Variants in BRPF3 observed in about 807,000 individuals in gnomAD.
The protein encoded by BRPF3 is bromodomain and PHD finger-containing protein 3.
BRPF3 carries 18 observed loss-of-function variants against 102.0 expected under a neutral mutation model. The observed-to-expected ratio is 0.18, with a 90% CI of 0.12 to 0.26. The LOEUF is 0.26. Ranked by LOEUF, BRPF3 falls within the 10% of genes least tolerant of loss-of-function variation. BRPF3 has a pLI of 1.00. For missense variants in BRPF3, 1,147 were observed against 1,567.8 expected (o/e 0.73, Z 4.53); for synonymous variants, 570 against 614.2 (o/e 0.93, Z 1.06).
In BRPF3 at chr6:36,231,231, A is replaced by T. The variant is rs1273075433; in HGVS notation, c.*622A>T. 1 of 152,726 alleles carries T rather than the reference A, an allele frequency of 6.5e-6. No homozygotes were observed. Among genetic ancestry groups the T allele is most frequent in the Non-Finnish European group, 1.5e-5 (1 of 68,216 alleles). 9.5% of individuals were successfully genotyped at this position (152,726 alleles called of 1,614,324 possible). A position where few individuals can be genotyped will look rare whatever the true frequency, so the allele number is the denominator to read the frequency against. On this transcript the variant is annotated 3_prime_UTR_variant, in exon 13 of 13. Transcript: ENST00000357641. Reference sequence around the variant, plus strand: ...TTTCTTTAATGTCTCATTCCCCTTGAGGCCAGCTGCTATGCCAGGTGGTGT... The same window carrying T: ...TTTCTTTAATGTCTCATTCCCCTTGTGGCCAGCTGCTATGCCAGGTGGTGT...
intron 10 of BRPF3, among the ~76,000 whole-genome samples, chr6:36,224,284 C>CT (rs1768654721): frequency 6.6e-6 from 1 of 152,128 alleles, no homozygotes; most frequent in African/African-American, 2.4e-5. Flanking sequence ...TAGATTTGGA[C>CT]TTTTTTCCTT....
chr6:36,222,656 C>T (rs1768591320), intron 10 of BRPF3, among the ~76,000 whole-genome samples: 1 of 152,154 alleles, frequency 6.6e-6, no homozygotes, highest in South Asian at 2.1e-4. Flanking sequence ...GCCTAATATG[C>T]ACATGTTCCT....
intron 8 of BRPF3, among the ~76,000 whole-genome samples, chr6:36,215,046 G>C (rs558376710): frequency 6.6e-6 from 1 of 152,274 alleles, no homozygotes; most frequent in South Asian, 2.1e-4. Context: ...CTGCAGCAGA[G>C]GGGGTGGGGT....
Position 36,200,309 on chromosome 6 carries a change from A to G in BRPF3, c.-14A>G. The G allele has an allele frequency of 2.5e-6, 4 of 1,608,922 alleles. No individual in the cohort carries two copies. The highest frequency in any genetic ancestry group is 3.4e-6 in the Non-Finnish European group (4 of 1,177,272). The stretch of plus-strand genomic sequence containing the variant: ...CTTCTCTCCTTAGGCCTGTCCCCTC[A>G]GTTCCCAGGTGCCATGAGGAAGCCT... On this transcript the variant is annotated 5_prime_UTR_variant, in exon 2 of 13. Coordinates refer to ENST00000357641, the MANE Select transcript of BRPF3 (RefSeq NM_015695.3). The surrounding 1 kb of genome is among the most constrained non-coding windows in gnomAD (Gnocchi z 5.3).
rs745520636 is a variant in BRPF3 at position 36,225,283 on chromosome 6, G to C, written c.3198G>C (p.Leu1066=). 2 of 1,608,948 alleles carry C rather than the reference G, an allele frequency of 1.2e-6. No individual in the cohort carries two copies. The highest frequency in any genetic ancestry group is 1.7e-6 in the Non-Finnish European group (2 of 1,179,974). ...CACCCCCAGGCAGAAGCCTCCTGCTGCCCTTTGAAGACCGCGGAGACCTGG... is the reference window on the plus strand; with the variant it reads ...CACCCCCAGGCAGAAGCCTCCTGCTCCCCTTTGAAGACCGCGGAGACCTGG... ...DYNGSGRSLL[L]PFEDRGDLEP... is the part of the protein sequence containing the mutation. The change falls in exon 11 of 13, where the codon CTG becomes CTC. Residue 1066 remains leucine (L), a synonymous_variant. Transcript: ENST00000357641.
At chr6:36,218,343 T>C (rs1405937123) in intron 9 of BRPF3, among the ~76,000 whole-genome samples, 1 of 152,204 alleles carries the variant, frequency 6.6e-6, no homozygotes, top group Admixed American at 6.5e-5. Flanking sequence ...CTACACACAT[T>C]TAGACAACCC....
At position 36,221,425 on chromosome 6, in the gene BRPF3, T is replaced by A. The variant is rs559580623; in HGVS notation, c.3084-743T>A. On this transcript the variant is annotated intron_variant, in intron 9 of 12. Coordinates refer to ENST00000357641, the MANE Select transcript of BRPF3 (RefSeq NM_015695.3). ...CCTCAGCCTCCTGAGTAGCTGGGAG[T>A]ACAGACACGTGCCACCACGGCCAGC... Among the ~76,000 whole-genome samples, 90 of 151,486 alleles carry A rather than the reference T, an allele frequency of 5.9e-4. 1 individual carries two copies. Among genetic ancestry groups the A allele is most frequent in the Middle Eastern group, 3.5e-3 (1 of 286 alleles).
At chr6:36,202,410 AC>A (rs773009912) in intron 2 of BRPF3, among the ~76,000 whole-genome samples, 2,314 of 102,084 alleles carry the variant, frequency 0.023, 41 homozygotes, top group African/African-American at 0.044. Flanking sequence ...AGCTCTGTGG[AC>A]CCCCCCCCCC....
chr6:36,225,206 C>T, intron 10 of BRPF3, 61 bp from the exon 11 acceptor site: 1 of 1,441,460 alleles, frequency 6.9e-7, no homozygotes, highest in South Asian at 1.2e-5. Flanking sequence ...CACAGGCAGG[C>T]CTTTTGGGCA....
At chr6:36,203,960 G>T (rs1439949614) in intron 2 of BRPF3, among the ~76,000 whole-genome samples, 1 of 152,148 alleles carries the variant, frequency 6.6e-6, no homozygotes, top group East Asian at 1.9e-4. Flanking sequence ...AGATATTATA[G>T]GCTTGCATTA....
chr6:36,207,465 CT>C (rs2127281171), intron 4 of BRPF3, 21 bp downstream of exon 4: 1 of 1,612,662 alleles, frequency 6.2e-7, no homozygotes, highest in Non-Finnish European at 8.5e-7. Flanking sequence ...GCCCCCAGCC[CT>C]AGGGCCCTAG....
At chr6:36,211,204 GC>G in intron 6 of BRPF3, 53 bp from the exon 7 acceptor site, 1 of 1,556,556 alleles carries the variant, frequency 6.4e-7, no homozygotes. Flanking sequence ...CCTTTCTCTT[GC>G]CCTGTGCTGG....
chr6:36,215,739 A>G (rs1055990314), intron 8 of BRPF3, among the ~76,000 whole-genome samples: 3 of 152,172 alleles, frequency 2.0e-5, no homozygotes, highest in African/African-American at 7.2e-5. Flanking sequence ...TGTGAGGGAC[A>G]GCTTAGAGAG....
chr6:36,205,932 C>T (rs184561595), intron 3 of BRPF3, among the ~76,000 whole-genome samples: 28 of 152,264 alleles, frequency 1.8e-4, no homozygotes, highest in African/African-American at 6.3e-4. Context: ...TTTTTCCTCT[C>T]AGTAAACTTA....
chr6:36,210,199 A>C lies in BRPF3; in HGVS notation c.1867-17A>C, dbSNP rs1197509685. On this transcript the variant is annotated splice_polypyrimidine_tract_variant and intron_variant, in intron 5 of 12. Transcript: ENST00000357641. The surrounding 1 kb of genome is among the most constrained non-coding windows in gnomAD (Gnocchi z 4.7). Reference sequence around the variant, plus strand: ...TAGTAAATGGTTGTTGTAATTGTACAGGTTTTATATGTTTAGGTTCCAGAT... The same window carrying C: ...TAGTAAATGGTTGTTGTAATTGTACCGGTTTTATATGTTTAGGTTCCAGAT... 1 of 1,613,580 alleles carries C rather than the reference A, an allele frequency of 6.2e-7. No homozygotes were observed. Among genetic ancestry groups the C allele is most frequent in the Non-Finnish European group, 8.5e-7 (1 of 1,179,476 alleles).
chr6:36,223,738 C>T (rs866361399), intron 10 of BRPF3, among the ~76,000 whole-genome samples: 4 of 152,014 alleles, frequency 2.6e-5, no homozygotes, highest in Admixed American at 2.6e-4. Flanking sequence ...GGGTTGTTTC[C>T]GGCTTTTAGC....
At chr6:36,222,674 A>G (rs534180529) in intron 10 of BRPF3, among the ~76,000 whole-genome samples, 8 of 152,294 alleles carry the variant, frequency 5.3e-5, no homozygotes, top group African/African-American at 1.9e-4. Context: ...CCTCTAAACC[A>G]TTCCTTTTTT....
chr6:36,206,415 C>T (rs979378181), intron 3 of BRPF3, among the ~76,000 whole-genome samples: 4 of 152,186 alleles, frequency 2.6e-5, no homozygotes, highest in African/African-American at 9.7e-5. Flanking sequence ...CTTCCATTCT[C>T]TTACTTCCTC....
intron 2 of BRPF3, among the ~76,000 whole-genome samples, chr6:36,202,420 C>CA (rs1554128014): frequency 1.4e-5 from 2 of 142,726 alleles, no homozygotes; most frequent in African/African-American, 5.2e-5. Flanking sequence ...ACCCCCCCCC[C>CA]CTCCGCCCCC....
Sources: allele counts gnomAD v4.1 joint callset (sites outside exome capture counted in the v4.1 genomes callset), GRCh38; gene constraint gnomAD v4.1.1; non-coding constraint Gnocchi (gnomAD v3.1); transcripts MANE v1.5; gene names NCBI Gene and HGNC (gene_info 2026-07-23, HGNC 2026-07-21).